The following NALCN variants were observed in gnomAD, a reference collection of about 807,000 sequenced individuals.
NALCN encodes the protein sodium leak channel, non-selective.
In NALCN, 111 loss-of-function variants were observed where a neutral mutation model predicts 225.3. That is an observed-to-expected ratio of 0.49 (90% confidence interval 0.42 to 0.58). The LOEUF is 0.58. Ranked by LOEUF, NALCN falls within the 20% of genes least tolerant of loss-of-function variation. The pLI, the probability that NALCN is intolerant of heterozygous loss-of-function variation, is 0.00. For synonymous variants in NALCN, 764 were observed against 769.0 expected, an observed-to-expected ratio of 0.99 and a Z score of 0.11; for missense variants, 1,378 against 2,202.4, an observed-to-expected ratio of 0.63 and a Z score of 7.49.
At chr13:101,202,222 C>T (rs575230918) in intron 13 of NALCN, among the ~76,000 whole-genome samples, 2 of 152,240 alleles carry the variant, frequency 1.3e-5, no homozygotes, top group East Asian at 3.9e-4. Context: ...AAATGCTGGT[C>T]GTACCTAATG....
At position 101,098,445 on chromosome 13, in the gene NALCN, C is replaced by A. The variant is rs182663187; in HGVS notation, c.3162+2339G>T. 2.0e-3 allele frequency among the ~76,000 whole-genome samples: 300 copies of A among 152,218 alleles called. 1 individual carries two copies. The highest frequency in any genetic ancestry group is 6.8e-3 in the Middle Eastern group (2 of 294). On this transcript the variant is annotated intron_variant, in intron 27 of 43. Transcript: ENST00000251127. ...TAATGACTATTTGTCAAAAGGTATC[C>A]TCAGCGTTTGTTTACAGGGTTTTGG...
chr13:101,216,752 C>T (rs148852744), intron 13 of NALCN, among the ~76,000 whole-genome samples: 33 of 152,090 alleles, frequency 2.2e-4, no homozygotes, highest in African/African-American at 4.3e-4. Context: ...ACTAACTGCA[C>T]GACTAGTCAT....
At chr13:101,271,017 T>C (rs1232245404) in intron 10 of NALCN, among the ~76,000 whole-genome samples, 1 of 152,188 alleles carries the variant, frequency 6.6e-6, no homozygotes, top group Non-Finnish European at 1.5e-5. Context: ...TTGTAAACAT[T>C]CAAGAGTTAT....
chr13:101,371,200 T>A (rs925941230), intron 6 of NALCN, among the ~76,000 whole-genome samples: 1 of 152,212 alleles, frequency 6.6e-6, no homozygotes, highest in Non-Finnish European at 1.5e-5. Flanking sequence ...ATGAATAAAG[T>A]TGCTGTGGGC....
chr13:101,192,490 G>T (rs2039721811), intron 13 of NALCN, among the ~76,000 whole-genome samples: 1 of 151,784 alleles, frequency 6.6e-6, no homozygotes, highest in Non-Finnish European at 1.5e-5. Flanking sequence ...TTATTTTTAT[G>T]GTACCTTTCT....
chr13:101,267,030 T>C (rs2042619582), intron 10 of NALCN, among the ~76,000 whole-genome samples: 1 of 152,192 alleles, frequency 6.6e-6, no homozygotes. Flanking sequence ...GGAATCCACA[T>C]GTCCATCTCC....
intron 6 of NALCN, among the ~76,000 whole-genome samples, chr13:101,373,237 T>C (rs571032571): frequency 1.1e-4 from 17 of 152,288 alleles, no homozygotes; most frequent in African/African-American, 4.1e-4. Context: ...TCATGAATTC[T>C]ATCAAACATT....
chr13:101,268,057 C>A (rs1323715889), intron 10 of NALCN, among the ~76,000 whole-genome samples: 2 of 152,016 alleles, frequency 1.3e-5, no homozygotes, highest in African/African-American at 2.4e-5. Flanking sequence ...CGAAAGTCTC[C>A]CTCTCTCTTT....
intron 10 of NALCN, among the ~76,000 whole-genome samples, chr13:101,261,545 T>C (rs1030007567): frequency 6.6e-6 from 1 of 152,178 alleles, no homozygotes; most frequent in African/African-American, 2.4e-5. Context: ...TTTGATAGTG[T>C]TCATTATGGA....
intron 13 of NALCN, among the ~76,000 whole-genome samples, chr13:101,228,468 G>C (rs376953146): frequency 6.6e-6 from 1 of 152,050 alleles, no homozygotes; most frequent in Admixed American, 6.6e-5. Flanking sequence ...TTGAATCATG[G>C]GGGCGGTTTC....
chr13:101,224,955 TA>T (rs1178557195), intron 13 of NALCN, among the ~76,000 whole-genome samples: 1 of 152,262 alleles, frequency 6.6e-6, no homozygotes, highest in Non-Finnish European at 1.5e-5. Context: ...CCACGTTGAC[TA>T]CCAAGTATCA....
chr13:101,326,307 A>G (rs529713902), intron 7 of NALCN, among the ~76,000 whole-genome samples: 1 of 152,344 alleles, frequency 6.6e-6, no homozygotes, highest in East Asian at 1.9e-4. Context: ...TGCCTAACAT[A>G]TAGTAGATCT....
At chr13:101,411,913 C>T (rs2047798952) in intron 1 of NALCN, among the ~76,000 whole-genome samples, 1 of 152,044 alleles carries the variant, frequency 6.6e-6, no homozygotes, top group African/African-American at 2.4e-5. Context: ...GAATTGTCTA[C>T]TGATATTTTT....
At chr13:101,319,342 C>T (rs1417803531) in intron 7 of NALCN, among the ~76,000 whole-genome samples, 1 of 152,158 alleles carries the variant, frequency 6.6e-6, no homozygotes, top group African/African-American at 2.4e-5. Context: ...GTTCTTGCTT[C>T]ATCCTGTGCC....
chr13:101,210,568 T>G (rs2140073677), intron 13 of NALCN, among the ~76,000 whole-genome samples: 1 of 152,330 alleles, frequency 6.6e-6, no homozygotes, highest in East Asian at 1.9e-4. Context: ...AAAAGACTGA[T>G]TAAAAATAAT....
intron 16 of NALCN, 76 bp downstream of exon 16, chr13:101,144,684 A>G: frequency 2.7e-6 from 4 of 1,461,172 alleles, no homozygotes; most frequent in Non-Finnish European, 3.7e-6. Context: ...ACTTAAAAGA[A>G]GGGTTAAATC....
At chr13:101,162,267 C>T (rs1198894127) in intron 15 of NALCN, among the ~76,000 whole-genome samples, 1 of 152,214 alleles carries the variant, frequency 6.6e-6, no homozygotes, top group African/African-American at 2.4e-5. Flanking sequence ...CCCTATTAGA[C>T]CAGAAGGCTC....
chr13:101,234,335 T>C lies in NALCN; in HGVS notation c.1434+3420A>G, dbSNP rs577501077. On this transcript the variant is annotated intron_variant, in intron 12 of 43. Coordinates refer to ENST00000251127, the MANE Select transcript of NALCN (RefSeq NM_052867.4). ...AGCTCAGAAATATCACTTGAATAAA[T>C]ACATGAATAACTTCAGTAGTTAGTC... Among the ~76,000 whole-genome samples the C allele has an allele frequency of 1.1e-3, 167 of 152,332 alleles. 1 individual carries two copies. Among genetic ancestry groups the C allele is most frequent in the African/African-American group, 3.8e-3 (156 of 41,578 alleles).
chr13:101,395,453 A>G (rs1222410069), intron 2 of NALCN, 88 bp from the exon 3 acceptor site: 4 of 1,301,688 alleles, frequency 3.1e-6, no homozygotes, highest in Non-Finnish European at 2.1e-6. Context: ...AAAACATAAT[A>G]CTGAGGTTAA....
Sources: allele counts gnomAD v4.1 joint callset (sites outside exome capture counted in the v4.1 genomes callset), GRCh38; gene constraint gnomAD v4.1.1; transcripts MANE v1.5; gene names NCBI Gene and HGNC (gene_info 2026-07-23, HGNC 2026-07-21).